The following ARHGAP12 variants were observed in gnomAD, a reference collection of about 807,000 sequenced individuals.
ARHGAP12 encodes the protein rho GTPase-activating protein 12.
Under a neutral mutation model 108.6 loss-of-function variants are expected in ARHGAP12, and 64 were observed. That is an observed-to-expected ratio of 0.59 (90% CI 0.48 to 0.73). ARHGAP12 has a LOEUF of 0.73. ARHGAP12 is among the 30% of genes least tolerant of loss of function. The pLI is 0.00. For missense variants in ARHGAP12, 940 were observed against 1,005.9 expected, an observed-to-expected ratio of 0.93 and a Z score of 0.89; for synonymous variants, 312 against 337.2, an observed-to-expected ratio of 0.93 and a Z score of 0.82.
chr10:31,873,156 A>G (rs1837605782), intron 3 of ARHGAP12, among the ~76,000 whole-genome samples: 1 of 152,242 alleles, frequency 6.6e-6, no homozygotes, highest in African/African-American at 2.4e-5. Flanking sequence ...ACAATAATAT[A>G]TTTAACACAA....
intron 3 of ARHGAP12, among the ~76,000 whole-genome samples, chr10:31,868,992 C>T (rs916627737): frequency 2.0e-5 from 3 of 152,040 alleles, no homozygotes; most frequent in African/African-American, 7.2e-5. Flanking sequence ...TACCTGAGTG[C>T]GCTTAGGGCA....
intron 3 of ARHGAP12, among the ~76,000 whole-genome samples, chr10:31,895,302 G>A (rs1386940201): frequency 6.6e-6 from 1 of 152,160 alleles, no homozygotes; most frequent in African/African-American, 2.4e-5. Flanking sequence ...TACCATCAGA[G>A]TGAACAGGCA....
At chr10:31,843,021 GA>G in intron 7 of ARHGAP12, among the ~76,000 whole-genome samples, 1 of 152,216 alleles carries the variant, frequency 6.6e-6, no homozygotes, top group Admixed American at 6.5e-5. Flanking sequence ...CTGGGATGAG[GA>G]AAATTAATTA....
chr10:31,909,343 C>T (rs937135928), intron 2 of ARHGAP12, among the ~76,000 whole-genome samples: 4 of 151,906 alleles, frequency 2.6e-5, no homozygotes, highest in African/African-American at 9.7e-5. Context: ...CACGGCATTA[C>T]GGGTTTAAAT....
intron 11 of ARHGAP12, among the ~76,000 whole-genome samples, chr10:31,820,705 C>T (rs537807495): frequency 2.5e-4 from 27 of 106,758 alleles, no homozygotes; most frequent in African/African-American, 8.9e-4. Context: ...ACTCAACTTC[C>T]ATCATATTAT....
intron 3 of ARHGAP12, among the ~76,000 whole-genome samples, chr10:31,881,183 C>A (rs1303718639): frequency 6.6e-6 from 1 of 151,702 alleles, no homozygotes; most frequent in Non-Finnish European, 1.5e-5. Flanking sequence ...AAACTTACCA[C>A]ATCAGTTTTC....
intron 15 of ARHGAP12, among the ~76,000 whole-genome samples, chr10:31,811,660 T>G (rs1835024480): frequency 1.3e-5 from 1 of 79,770 alleles, no homozygotes. Flanking sequence ...AAGTCTTAAA[T>G]ACCTTTTTTA....
intron 3 of ARHGAP12, among the ~76,000 whole-genome samples, chr10:31,882,366 C>T (rs1350379603): frequency 6.6e-6 from 1 of 150,814 alleles, no homozygotes; most frequent in East Asian, 2.0e-4. Context: ...ATGTTGATGA[C>T]CTGGAGACAT....
chr10:31,891,201 A>G (rs568030498), intron 3 of ARHGAP12, among the ~76,000 whole-genome samples: 2 of 152,340 alleles, frequency 1.3e-5, no homozygotes, highest in African/African-American at 4.8e-5. Context: ...ATGTAAGATT[A>G]GGCTTCAAAT....
intron 3 of ARHGAP12, among the ~76,000 whole-genome samples, chr10:31,892,711 A>C (rs1389999076): frequency 1.3e-5 from 2 of 152,218 alleles, no homozygotes; most frequent in Non-Finnish European, 2.9e-5. Context: ...GAAACTTAAC[A>C]AGCATATCCA....
rs1835372229 is a variant in ARHGAP12, at chr10:31,820,536, A to G, written c.1531-48T>C. 4 of 1,089,988 alleles carry G rather than the reference A, an allele frequency of 3.7e-6. No individual in the cohort carries two copies. The African/African-American group carries it at 6.5e-5, about 18-fold the overall frequency. The allele number at this position is 1,089,988 out of a possible 1,614,324, so 67.5% of individuals were successfully genotyped here. A position where few individuals can be genotyped will look rare whatever the true frequency, so the allele number is the denominator to read the frequency against. The stretch of plus-strand genomic sequence containing the variant: ...AAACCTTCATGTGATACTCACATAT[A>G]TGTGTATTCAAAAATAATTAAGAAC... On this transcript the variant is annotated intron_variant, in intron 11 of 19. Coordinates refer to ENST00000344936, the MANE Select transcript of ARHGAP12 (RefSeq NM_018287.7).
chr10:31,891,491 T>C (rs1300574022), intron 3 of ARHGAP12, among the ~76,000 whole-genome samples: 2 of 152,190 alleles, frequency 1.3e-5, no homozygotes, highest in Non-Finnish European at 2.9e-5. Context: ...TAACCCGACC[T>C]TTCTCTCTGG....
intron 3 of ARHGAP12, among the ~76,000 whole-genome samples, chr10:31,884,094 T>TAAA (rs59701767): frequency 3.5e-5 from 4 of 114,470 alleles, no homozygotes; most frequent in East Asian, 2.7e-4. Context: ...TGTTTACACC[T>TAAA]AAAAAAAAAA....
rs1348101385 is a variant in ARHGAP12 at position 31,810,722 on chromosome 10, A to G, written c.1977T>C (p.Ala659=). The G allele has an allele frequency of 1.2e-6, 2 of 1,610,344 alleles. No homozygotes were observed. The highest frequency in any genetic ancestry group is 8.5e-7 in the Non-Finnish European group (1 of 1,178,352). ...TGCCATTCTCTCTCTGACACAGATT[A>G]GCGAGATTGGATCCAAATACCTGAT... is the stretch of plus-strand genomic sequence containing the variant. The part of the protein sequence containing the change: ...IKDQVFGSNL[A]NLCQRENGTV... The change falls in exon 16 of 20, where the codon GCT becomes GCC. Residue 659 remains alanine, a synonymous_variant. Coordinates refer to ENST00000344936, the MANE Select transcript of ARHGAP12 (RefSeq NM_018287.7).
chr10:31,909,046 AC>A (rs1213320699), intron 2 of ARHGAP12, 120 bp from the exon 3 acceptor site: 1 of 563,558 alleles, frequency 1.8e-6, no homozygotes, highest in Non-Finnish European at 3.0e-6. Context: ...CAAATCTCAA[AC>A]CCCAAAAAGC....
chr10:31,838,300 G>A (rs1451109728), intron 9 of ARHGAP12, among the ~76,000 whole-genome samples: 1 of 152,098 alleles, frequency 6.6e-6, no homozygotes, highest in Non-Finnish European at 1.5e-5. Flanking sequence ...GAAGGGAAAA[G>A]GAAATATGAG....
intron 1 of ARHGAP12, among the ~76,000 whole-genome samples, chr10:31,928,476 A>T (rs7096139): frequency 4.7e-5 from 7 of 149,646 alleles, no homozygotes; most frequent in Middle Eastern, 3.4e-3. Context: ...TCGGCGCCTA[A>T]CCCCCGCGCC....
chr10:31,816,863 A>T (rs1443851013), intron 13 of ARHGAP12, among the ~76,000 whole-genome samples: 1 of 152,234 alleles, frequency 6.6e-6, no homozygotes, highest in Non-Finnish European at 1.5e-5. Context: ...AGATTCAGAA[A>T]TATCATGCAA....
Position 31,908,402 on chromosome 10 carries a change from G to A in ARHGAP12, c.454C>T (p.Leu152=), listed in dbSNP as rs146772358. The A allele has an allele frequency of 2.1e-4, 333 of 1,614,080 alleles. 1 individual carries two copies. Among genetic ancestry groups the A allele is most frequent in the Non-Finnish European group, 2.9e-5 (34 of 1,180,050 alleles). The change falls in exon 3 of 20, where the codon CTG becomes TTG. Residue 152 remains leucine, a synonymous_variant. Coordinates refer to ENST00000344936, the MANE Select transcript of ARHGAP12 (RefSeq NM_018287.7). ...TTAAACTTTCCGTTATTATGGGTCA[G>A]GTCCAGGCTTAGGTTGACAGTCTGA... is the stretch of plus-strand genomic sequence containing the variant. The part of the protein sequence containing the change: ...QGQTVNLSLD[L]THNNGKFNND...
Sources: allele counts gnomAD v4.1 joint callset (sites outside exome capture counted in the v4.1 genomes callset), GRCh38; gene constraint gnomAD v4.1.1; transcripts MANE v1.5; gene names NCBI Gene and HGNC (gene_info 2026-07-23, HGNC 2026-07-21).